The following IFT27 variants were observed in gnomAD, a reference collection of about 807,000 sequenced individuals.
IFT27 encodes intraflagellar transport 27, also known as intraflagellar transport protein 27 homolog.
A neutral mutation model predicts 23.9 loss-of-function variants in IFT27; 19 were observed. That is an observed-to-expected ratio of 0.79 (90% CI 0.55 to 1.16). The LOEUF is 1.16. Among genes scored for constraint, IFT27 ranks in the 50% most tolerant of loss-of-function variants. The probability of loss-of-function intolerance (pLI) is 0.00; values close to 1 mark genes in which losing one functional copy is unlikely to be tolerated. For missense variants in IFT27, 206 were observed against 228.7 expected (o/e 0.90, Z 0.64); for synonymous variants, 91 against 89.1 (o/e 1.02, Z -0.12).
rs918373858 is a variant in IFT27, at chr22:36,772,445, G to T, written c.34+3229C>A. The T allele has an allele frequency of 5.5e-6, 5 of 901,036 alleles. No individual in the cohort carries two copies. The African/African-American group carries it at 7.2e-5, about 13-fold the overall frequency. 55.8% of individuals were successfully genotyped at this position (901,036 alleles called of 1,614,324 possible). On this transcript the variant is annotated intron_variant, in intron 1 of 6. Coordinates refer to ENST00000433985, the MANE Select transcript of IFT27 (RefSeq NM_001177701.3). ...TAATGAGTTAATATGCACAGTGCCT[G>T]GCATATATAAGTACTATTTAAGTGT...
intron 1 of IFT27, among the ~76,000 whole-genome samples, chr22:36,771,720 C>A (rs912365876): frequency 1.3e-5 from 2 of 152,242 alleles, no homozygotes; most frequent in Non-Finnish European, 2.9e-5. Context: ...CAATTCCATA[C>A]ATTAAAATTT....
rs1318085845 is a variant in IFT27, at chr22:36,766,034, T to C, written c.234+104A>G. ...CCTTAAAGAGTAATGCCATGGGAGC[T>C]TCCCAACAGCACAGTGCAGGGAAAC... On this transcript the variant is annotated intron_variant, in intron 4 of 6. Coordinates refer to ENST00000433985, the MANE Select transcript of IFT27 (RefSeq NM_001177701.3). 6.5e-6 allele frequency: 6 copies of C among 925,808 alleles called. No homozygotes were observed. The Admixed American group carries it at 1.0e-4, about 16-fold the overall frequency. 57.3% of individuals were successfully genotyped at this position (925,808 alleles called of 1,614,324 possible). A position where few individuals can be genotyped will look rare whatever the true frequency, so the allele number is the denominator to read the frequency against.
At chr22:36,765,878 T>C (rs1938233871) in intron 4 of IFT27, among the ~76,000 whole-genome samples, 1 of 152,206 alleles carries the variant, frequency 6.6e-6, no homozygotes, top group Admixed American at 6.5e-5. Context: ...GGGGGAGGGC[T>C]GCAAGGACCG....
At chr22:36,772,185 C>T (rs1938399401) in intron 1 of IFT27, among the ~76,000 whole-genome samples, 1 of 152,146 alleles carries the variant, frequency 6.6e-6, no homozygotes, top group Non-Finnish European at 1.5e-5. Flanking sequence ...TCAGTGGTAG[C>T]GCACGATGTG....
chr22:36,768,265 G>A (rs1293901046), intron 1 of IFT27: 4 of 362,422 alleles, frequency 1.1e-5, no homozygotes, highest in Non-Finnish European at 2.2e-5. Context: ...GACAGGCAGA[G>A]TCACCTGTCC....
Position 36,758,340 on chromosome 22 carries a change from T to C in IFT27, c.532A>G (p.Lys178Glu). 1 of 1,614,088 alleles carries C rather than the reference T, an allele frequency of 6.2e-7. No individual in the cohort carries two copies. The highest frequency in any genetic ancestry group is 8.5e-7 in the Non-Finnish European group (1 of 1,179,986). ...AKQFHQLYRE[K>E]VEVFRALA The stretch of plus-strand genomic sequence containing the variant: ...GCCAGGGCCCGGAAAACCTCCACCT[T>C]CTCCCGGTACAGCTGGTGGAACTGC... The change falls in exon 7 of 7, where the codon AAG becomes GAG. Residue 178 changes from lysine to glutamate, a missense_variant. Transcript: ENST00000433985.
intron 2 of IFT27, 56 bp downstream of exon 2, chr22:36,767,727 T>C (rs1247099741): frequency 4.1e-6 from 6 of 1,468,006 alleles, no homozygotes; most frequent in Admixed American, 3.3e-5. Context: ...TCACTCATCA[T>C]GGTGAACCGA....
intron 1 of IFT27, among the ~76,000 whole-genome samples, chr22:36,771,611 G>C (rs1360223493): frequency 6.6e-6 from 1 of 152,052 alleles, no homozygotes; most frequent in Non-Finnish European, 1.5e-5. Context: ...CAGCTCCCTG[G>C]GTCTCTTCAA....
intron 5 of IFT27, chr22:36,763,619 C>A (rs1000286578): frequency 1.4e-5 from 7 of 484,656 alleles, no homozygotes; most frequent in African/African-American, 1.2e-4. Context: ...AGGAACTCTT[C>A]CCTGGGGTTA....
chr22:36,768,469 A>C (rs901552679), intron 1 of IFT27: 1 of 201,094 alleles, frequency 5.0e-6, no homozygotes, highest in East Asian at 1.4e-4. Context: ...TCTTCTTCCC[A>C]GGGGCCTCTC....
chr22:36,768,084 C>G, intron 1 of IFT27: 1 of 664,548 alleles, frequency 1.5e-6, no homozygotes, highest in African/African-American at 1.8e-5. Flanking sequence ...ACGGCTAAGC[C>G]TTTTATCCAC....
At chr22:36,763,234 C>T (rs1938146061) in intron 5 of IFT27, 2 of 437,376 alleles carry the variant, frequency 4.6e-6, no homozygotes, top group African/African-American at 2.0e-5. Flanking sequence ...ACAACTTCTG[C>T]TAGGTCTTTT....
At chr22:36,771,929 G>A (rs1227260542) in intron 1 of IFT27, among the ~76,000 whole-genome samples, 1 of 151,824 alleles carries the variant, frequency 6.6e-6, no homozygotes, top group African/African-American at 2.4e-5. Flanking sequence ...CATCTCCACG[G>A]TCAGCCCTAA....
chr22:36,771,420 C>T (rs868457282), intron 1 of IFT27, among the ~76,000 whole-genome samples: 60 of 152,192 alleles, frequency 3.9e-4, no homozygotes, highest in African/African-American at 1.4e-3. Context: ...AAAACATGGA[C>T]CCTCCAGGAT....
intron 1 of IFT27, among the ~76,000 whole-genome samples, chr22:36,774,116 T>C (rs1938445829): frequency 6.6e-6 from 1 of 152,248 alleles, no homozygotes; most frequent in South Asian, 2.1e-4. Flanking sequence ...AAATTACTTT[T>C]GTTACACAAC....
At chr22:36,773,909 G>A (rs1190018752) in intron 1 of IFT27, among the ~76,000 whole-genome samples, 1 of 152,136 alleles carries the variant, frequency 6.6e-6, no homozygotes, top group East Asian at 1.9e-4. Flanking sequence ...TGTATTGAGG[G>A]TCTAGCAGAG....
At chr22:36,774,826 A>G (rs923447224) in intron 1 of IFT27, among the ~76,000 whole-genome samples, 7 of 152,158 alleles carry the variant, frequency 4.6e-5, no homozygotes, top group African/African-American at 1.7e-4. Flanking sequence ...AAAAAAAAAA[A>G]AAAGAAAAAC....
intron 6 of IFT27, chr22:36,758,743 T>G (rs1191987852): frequency 4.0e-6 from 1 of 251,220 alleles, no homozygotes; most frequent in Non-Finnish European, 7.9e-6. Context: ...CTTTCCTCAG[T>G]TTTGACTGAG....
chr22:36,763,914 C>G lies in IFT27; in HGVS notation c.352+5G>C. The G allele has an allele frequency of 2.5e-6, 4 of 1,596,910 alleles. No individual in the cohort carries two copies. The highest frequency in any genetic ancestry group is 1.7e-6 in the Non-Finnish European group (2 of 1,164,290). On this transcript the variant is annotated splice_donor_5th_base_variant and intron_variant, in intron 5 of 6. Transcript: ENST00000433985. Reference sequence around the variant, plus strand: ...CTGGGAAACATGGGTGTCTGCAGCCCGTACCTGGGAGAGAGATGCCTGGAG... The same window carrying G: ...CTGGGAAACATGGGTGTCTGCAGCCGGTACCTGGGAGAGAGATGCCTGGAG...
Sources: gnomAD v4.1 joint callset for allele counts (sites outside exome capture counted in the v4.1 genomes callset) on GRCh38, gnomAD v4.1.1 for gene constraint, MANE v1.5 for transcripts, NCBI Gene and HGNC (gene_info 2026-07-23, HGNC 2026-07-21) for gene names.